The following ZC3H12D variants were observed in gnomAD, a reference collection of about 807,000 sequenced individuals.
The protein encoded by ZC3H12D is zinc finger CCCH-type containing 12D.
Under a neutral mutation model 24.2 loss-of-function variants are expected in ZC3H12D, and 11 were observed. The ratio of observed to expected loss-of-function variants is 0.46; its 90% confidence interval spans 0.29 to 0.75. ZC3H12D has a LOEUF of 0.75. Ranked by LOEUF, ZC3H12D falls within the 30% of genes least tolerant of loss-of-function variation. ZC3H12D has a pLI of 0.11. For missense variants in ZC3H12D, 740 were observed against 767.7 expected, an observed-to-expected ratio of 0.96 and a Z score of 0.43; for synonymous variants, 333 against 341.8, an observed-to-expected ratio of 0.97 and a Z score of 0.28.
chr6:149,456,623 G>GGGGGCAGGC lies in ZC3H12D; in HGVS notation c.680+42_680+43insGCCTGCCCC. 1.3e-6 allele frequency: 1 copy of GGGGGCAGGC among 744,588 alleles called. No homozygotes were observed. Among genetic ancestry groups the GGGGGCAGGC allele is most frequent in the Non-Finnish European group, 2.2e-6 (1 of 456,108 alleles). The allele number at this position is 744,588 out of a possible 1,614,324, so 46.1% of individuals were successfully genotyped here. A position where few individuals can be genotyped will look rare whatever the true frequency, so the allele number is the denominator to read the frequency against. On this transcript the variant is annotated intron_variant, in intron 4 of 5. Coordinates refer to ENST00000409806, the MANE Select transcript of ZC3H12D (RefSeq NM_207360.3). The surrounding 1 kb of genome is among the most constrained non-coding windows in gnomAD (Gnocchi z 4.3). ...GCCACTGCCTCGACCCCGGCCCCCC[G>GGGGGCAGGC]CCCCGCCGCCCCCCAGGGTGTCAGG...
intron 2 of ZC3H12D, among the ~76,000 whole-genome samples, chr6:149,473,054 C>T (rs1776270452): frequency 6.6e-6 from 1 of 152,100 alleles, no homozygotes; most frequent in Admixed American, 6.6e-5. Context: ...CATGGGCCAG[C>T]CCCTAAGTCC....
chr6:149,480,243 T>C (rs1776403658), intron 1 of ZC3H12D, among the ~76,000 whole-genome samples: 1 of 152,230 alleles, frequency 6.6e-6, no homozygotes, highest in African/African-American at 2.4e-5. Context: ...ACCACGAAGA[T>C]AAGCACGTAC....
Position 149,456,628 on chromosome 6 carries a change from G to GGGGA in ZC3H12D, c.680+37_680+38insTCCC. 1 of 787,348 alleles carries GGGGA rather than the reference G, an allele frequency of 1.3e-6. No individual in the cohort carries two copies. Among genetic ancestry groups the GGGGA allele is most frequent in the Non-Finnish European group, 2.0e-6 (1 of 491,394 alleles). The allele number at this position is 787,348 out of a possible 1,614,324, so 48.8% of individuals were successfully genotyped here. ...TGCCTCGACCCCGGCCCCCCGCCCC[G>GGGGA]CCGCCCCCCAGGGTGTCAGGACCCC... On this transcript the variant is annotated intron_variant, in intron 4 of 5. Transcript: ENST00000409806. The surrounding 1 kb of genome is among the most constrained non-coding windows in gnomAD (Gnocchi z 4.3).
chr6:149,469,762 C>T (rs1376659621), intron 2 of ZC3H12D, among the ~76,000 whole-genome samples: 1 of 152,108 alleles, frequency 6.6e-6, no homozygotes, highest in Non-Finnish European at 1.5e-5. Context: ...ACATGTGGCA[C>T]CCTGAGGGCA....
intron 1 of ZC3H12D, among the ~76,000 whole-genome samples, chr6:149,482,392 C>A (rs1776441270): frequency 6.6e-6 from 1 of 152,238 alleles, no homozygotes; most frequent in African/African-American, 2.4e-5. Flanking sequence ...TGAACGACTT[C>A]ATTTCAGTTT....
Position 149,447,975 on chromosome 6 carries a change from T to G in ZC3H12D, c.*2708A>C, listed in dbSNP as rs1441284542. The G allele has an allele frequency of 6.6e-6, 1 of 152,176 alleles. No homozygotes were observed. 9.4% of individuals were successfully genotyped at this position (152,176 alleles called of 1,614,324 possible). On this transcript the variant is annotated 3_prime_UTR_variant, in exon 6 of 6. Coordinates refer to ENST00000409806, the MANE Select transcript of ZC3H12D (RefSeq NM_207360.3). ...AAGCAGCTCTAATAGAAAGCGTGTC[T>G]TGTCAAAAGGTTAAAAATAAAAATA...
At chr6:149,454,326 G>A (rs1775946997) in intron 4 of ZC3H12D, among the ~76,000 whole-genome samples, 1 of 152,220 alleles carries the variant, frequency 6.6e-6, no homozygotes, top group Non-Finnish European at 1.5e-5. Context: ...GTCATACAAA[G>A]GTTCTGTAGA....
intron 1 of ZC3H12D, chr6:149,483,286 T>A (rs2115016456): frequency 6.6e-6 from 1 of 152,258 alleles, no homozygotes; most frequent in Non-Finnish European, 1.5e-5. Context: ...TATTTTTTTT[T>A]AAGGGAATTT....
chr6:149,450,645 CG>C lies in ZC3H12D; in HGVS notation c.*37del, dbSNP rs1775873248. On this transcript the variant is annotated 3_prime_UTR_variant, in exon 6 of 6. Transcript: ENST00000409806. The stretch of plus-strand genomic sequence containing the variant: ...AGGTCCACCCGTCCAAGACGCAAGG[CG>C]AGGCTGGGCCATTCCCTGCAAGTGC... The C allele has an allele frequency of 6.8e-7, 1 of 1,468,696 alleles. No individual in the cohort carries two copies. The highest frequency in any genetic ancestry group is 2.2e-5 in the Admixed American group (1 of 46,118). 91.0% of individuals were successfully genotyped at this position (1,468,696 alleles called of 1,614,324 possible).
At chr6:149,459,710 G>A (rs893148946) in intron 3 of ZC3H12D, 5 of 717,664 alleles carry the variant, frequency 7.0e-6, no homozygotes, top group Non-Finnish European at 1.0e-5. Context: ...AACTAGGAAG[G>A]AAGAAGCCTC....
chr6:149,479,803 GC>G (rs1481184418), intron 1 of ZC3H12D, among the ~76,000 whole-genome samples: 1 of 152,096 alleles, frequency 6.6e-6, no homozygotes, highest in Non-Finnish European at 1.5e-5. Context: ...CTACTAAGTA[GC>G]CAGGACCACA....
At chr6:149,482,443 G>A (rs1776441678) in intron 1 of ZC3H12D, among the ~76,000 whole-genome samples, 1 of 152,236 alleles carries the variant, frequency 6.6e-6, no homozygotes, top group Admixed American at 6.5e-5. Flanking sequence ...CTGTCCAGAT[G>A]ATTAGCGACA....
chr6:149,456,874 G>A lies in ZC3H12D; in HGVS notation c.472C>T (p.Arg158Trp), dbSNP rs1346012582. 1.9e-6 allele frequency: 3 copies of A among 1,603,956 alleles called. No individual in the cohort carries two copies. Among genetic ancestry groups the A allele is most frequent in the Non-Finnish European group, 2.5e-6 (3 of 1,178,878 alleles). Residue 158 changes from arginine (R) to tryptophan (W), a missense_variant, in exon 4 of 6, where the codon CGG becomes TGG. Arg to Trp is a moderately radical substitution (Grantham distance 101). Coordinates refer to ENST00000409806, the MANE Select transcript of ZC3H12D (RefSeq NM_207360.3). This position sits in a 1 kb window ranked among gnomAD's most constrained non-coding sequence, Gnocchi z 4.3. The part of the protein sequence containing the change: ...REQHVLAELE[R>W]QAVLVYTPSR... ...GGCGTGTACACCAGCACCGCCTGCC[G>A]CTCCAGCTCCGCCAGCACGTGCTGC...
intron 1 of ZC3H12D, chr6:149,483,011 A>C (rs906557136): frequency 2.0e-5 from 3 of 153,630 alleles, no homozygotes; most frequent in African/African-American, 7.2e-5. Flanking sequence ...CAGCACACTT[A>C]ACACCTCGCC....
intron 2 of ZC3H12D, among the ~76,000 whole-genome samples, chr6:149,470,785 T>C (rs1776231248): frequency 6.6e-6 from 1 of 152,136 alleles, no homozygotes; most frequent in African/African-American, 2.4e-5. Context: ...TTAAAATTAA[T>C]TGAAAAAATA....
rs1189920889 is a variant in ZC3H12D, at chr6:149,458,128, C to CTTTTTTTTTTTTTTTTTTTTTTTTTT, written c.446-1229_446-1228insAAAAAAAAAAAAAAAAAAAAAAAAAA. Among the ~76,000 whole-genome samples the CTTTTTTTTTTTTTTTTTTTTTTTTTT allele has an allele frequency of 1.1e-3, 44 of 39,760 alleles. 3 individuals carry two copies. Among genetic ancestry groups the CTTTTTTTTTTTTTTTTTTTTTTTTTT allele is most frequent in the Non-Finnish European group, 1.3e-3 (29 of 22,508 alleles). 26.1% of individuals were successfully genotyped at this position (39,760 alleles called of 152,430 possible). On this transcript the variant is annotated intron_variant, in intron 3 of 5. Transcript: ENST00000409806. ...TTCTTTTTCTTTTTTTTTTTCGTTT[C>CTTTTTTTTTTTTTTTTTTTTTTTTTT]TTTTTTTTTTTTTTTTTTTTTTTTT...
chr6:149,450,787 C>T lies in ZC3H12D; in HGVS notation c.1480G>A (p.Val494Met), dbSNP rs1775876024. The T allele has an allele frequency of 6.5e-7, 1 of 1,549,158 alleles. No individual in the cohort carries two copies. ...ALYSVFPRDQ[V>M]DRVMAAFPEL... is the part of the protein sequence containing the mutation. ...GGGAACGCGGCCATCACGCGGTCCA[C>T]CTGGTCACGCGGGAAGACGCTGTAG... The change falls in exon 6 of 6, where the codon GTG becomes ATG. Residue 494 changes from valine to methionine, a missense_variant. Physicochemically the swap from Val to Met is conservative, Grantham distance 21. Transcript: ENST00000409806.
chr6:149,474,420 G>A lies in ZC3H12D; in HGVS notation c.124C>T (p.Arg42Cys), dbSNP rs774364009. 2.0e-5 allele frequency: 32 copies of A among 1,607,898 alleles called. No homozygotes were observed. The highest frequency in any genetic ancestry group is 4.5e-5 in the East Asian group (2 of 44,714). The stretch of plus-strand genomic sequence containing the variant: ...AGGGCACCCGGGCGGCTGCCCGTGC[G>A]GATAAGCTCCTGCAGCACGTCGTTG... Reference protein sequence around the residue: ...LVNDVLQELIRTGSRPGALEH... With the variant: ...LVNDVLQELICTGSRPGALEH... Residue 42 changes from arginine (R) to cysteine (C), a missense_variant, in exon 2 of 6, where the codon CGC (arginine) becomes TGC (cysteine). Coordinates refer to ENST00000409806, the MANE Select transcript of ZC3H12D (RefSeq NM_207360.3).
Position 149,474,275 on chromosome 6 carries a change from C to T in ZC3H12D, c.269G>A (p.Arg90Gln), listed in dbSNP as rs1276684038. ...GTTGCTGCCATCAATCACTATGGGT[C>T]GCAGAGAACTGGCCAGGGTTCTGAA... is the stretch of plus-strand genomic sequence containing the variant. The part of the protein sequence containing the change: ...EDFRTLASSL[R>Q]PIVIDGSNVA... Residue 90 changes from arginine to glutamine, a missense_variant, in exon 2 of 6, where the codon CGA (arginine) becomes CAA (glutamine). Coordinates refer to ENST00000409806, the MANE Select transcript of ZC3H12D (RefSeq NM_207360.3). The T allele has an allele frequency of 2.6e-6, 4 of 1,519,818 alleles. No homozygotes were observed. The highest frequency in any genetic ancestry group is 1.3e-5 in the South Asian group (1 of 79,764). 94.1% of individuals were successfully genotyped at this position (1,519,818 alleles called of 1,614,324 possible).
Sources: allele counts gnomAD v4.1 joint callset (sites outside exome capture counted in the v4.1 genomes callset), GRCh38; gene constraint gnomAD v4.1.1; non-coding constraint Gnocchi (gnomAD v3.1); transcripts MANE v1.5; gene names NCBI Gene and HGNC (gene_info 2026-07-23, HGNC 2026-07-21).